Variants in PHACTR2 observed in about 807,000 individuals in gnomAD.
PHACTR2 encodes the protein chromosome 6 open reading frame 56.
In PHACTR2, 30 loss-of-function variants were observed where a neutral mutation model predicts 76.0. The observed-to-expected ratio is 0.39, with a 90% confidence interval of 0.30 to 0.54. The LOEUF is 0.54. Ranked by LOEUF, PHACTR2 falls within the 20% of genes least tolerant of loss-of-function variation. The pLI is 0.61. For missense variants in PHACTR2, 696 were observed against 781.1 expected (o/e 0.89, Z 1.30); for synonymous variants, 292 against 292.5 (o/e 1.00, Z 0.02).
In PHACTR2 at chr6:143,783,206, C is replaced by T; in HGVS notation, c.1646-13C>T. The T allele has an allele frequency of 6.3e-7, 1 of 1,580,700 alleles. No individual in the cohort carries two copies. Among genetic ancestry groups the T allele is most frequent in the South Asian group, 1.1e-5 (1 of 89,718 alleles). ...AGTAACTGTCATCACGACTTTCCTC[C>T]TTTAATAAACAGAAAAGAATGAAGA... On this transcript the variant is annotated splice_polypyrimidine_tract_variant and intron_variant, in intron 9 of 12. Coordinates refer to ENST00000440869, the MANE Select transcript of PHACTR2 (RefSeq NM_001100164.2). The surrounding 1 kb of genome is among the most constrained non-coding windows in gnomAD (Gnocchi z 5.2).
At chr6:143,790,571 A>T (rs547754516) in intron 11 of PHACTR2, among the ~76,000 whole-genome samples, 1 of 152,278 alleles carries the variant, frequency 6.6e-6, no homozygotes, top group South Asian at 2.1e-4. Flanking sequence ...ACTCCACCGA[A>T]GTGCCTTTTG....
chr6:143,628,965 A>AG (rs1373452813), intron 1 of PHACTR2, among the ~76,000 whole-genome samples: 1 of 99,548 alleles, frequency 1.0e-5, no homozygotes, highest in Non-Finnish European at 2.1e-5. Context: ...ATATATATAT[A>AG]TATATATATA....
chr6:143,692,853 C>T (rs897564117), intron 1 of PHACTR2, among the ~76,000 whole-genome samples: 1 of 152,210 alleles, frequency 6.6e-6, no homozygotes, highest in Non-Finnish European at 1.5e-5. Context: ...GCTGTCGTAA[C>T]ACCATACCAC....
rs1483733267 is a variant in PHACTR2 at position 143,722,101 on chromosome 6, C to A, written c.214+9918C>A. Among the ~76,000 whole-genome samples, 1 of 152,190 alleles carries A rather than the reference C, an allele frequency of 6.6e-6. No homozygotes were observed. Among genetic ancestry groups the A allele is most frequent in the Admixed American group, 6.5e-5 (1 of 15,278 alleles). On this transcript the variant is annotated intron_variant, in intron 2 of 12. Transcript: ENST00000440869. This position sits in a 1 kb window ranked among gnomAD's most constrained non-coding sequence, Gnocchi z 4.1. Reference sequence around the variant, plus strand: ...AAGCATCTTGTAAATGTCTAGGGAGCTGGAAGTTCCCATGAAAACTCTCTA... The same window carrying A: ...AAGCATCTTGTAAATGTCTAGGGAGATGGAAGTTCCCATGAAAACTCTCTA...
At position 143,653,315 on chromosome 6, in the gene PHACTR2, C is replaced by T. The variant is rs1419605723; in HGVS notation, c.13+44993C>T. ...TGTAAAATGAAGGCTGCTCTGACTC[C>T]TGCCTGCAATCTCCAGCTTATTGCC... On this transcript the variant is annotated intron_variant, in intron 1 of 11. Transcript: ENST00000305766. The surrounding 1 kb of genome is among the most constrained non-coding windows in gnomAD (Gnocchi z 4.9). Among the ~76,000 whole-genome samples, 1 of 152,150 alleles carries T rather than the reference C, an allele frequency of 6.6e-6. No homozygotes were observed. Among genetic ancestry groups the T allele is most frequent in the Non-Finnish European group, 1.5e-5 (1 of 68,032 alleles).
At position 143,775,240 on chromosome 6, in the gene PHACTR2, C is replaced by T. The variant is rs1448122660; in HGVS notation, c.1589+1025C>T. Among the ~76,000 whole-genome samples, 1 of 152,162 alleles carries T rather than the reference C, an allele frequency of 6.6e-6. No homozygotes were observed. The highest frequency in any genetic ancestry group is 1.5e-5 in the Non-Finnish European group (1 of 68,030). On this transcript the variant is annotated intron_variant, in intron 8 of 12. Transcript: ENST00000440869. This position sits in a 1 kb window ranked among gnomAD's most constrained non-coding sequence, Gnocchi z 4.4. Reference sequence around the variant, plus strand: ...CATCTATCTGAAGGAAAAGCACAGCCTACCAGGGAACCTCGGGGGAGGCTT... The same window carrying T: ...CATCTATCTGAAGGAAAAGCACAGCTTACCAGGGAACCTCGGGGGAGGCTT...
rs190606603 is a variant in PHACTR2, at chr6:143,780,648, G to A, written c.1646-2571G>A. ...CAAAATTCTCTGGGTAACATTGCTC[G>A]CTAGGCGGGTTTCCTGTGGTGCTTG... is the stretch of plus-strand genomic sequence containing the variant. On this transcript the variant is annotated intron_variant, in intron 9 of 12. Transcript: ENST00000440869. The surrounding 1 kb of genome is among the most constrained non-coding windows in gnomAD (Gnocchi z 4.4). Among the ~76,000 whole-genome samples, 78 of 152,130 alleles carry A rather than the reference G, an allele frequency of 5.1e-4. 1 individual carries two copies. The East Asian group carries it at 8.9e-3, about 17-fold the overall frequency.
In PHACTR2 at chr6:143,757,627, A is replaced by G. The variant is rs1312197747; in HGVS notation, c.455-2774A>G. ...AGGCTAGCGTCCTTATCAAGCCAGA[A>G]TGACGAGGCAGCCCTTTCTCAACCT... On this transcript the variant is annotated intron_variant, in intron 4 of 12. Transcript: ENST00000440869. This position sits in a 1 kb window ranked among gnomAD's most constrained non-coding sequence, Gnocchi z 4.2. Among the ~76,000 whole-genome samples, 2 of 152,220 alleles carry G rather than the reference A, an allele frequency of 1.3e-5. No homozygotes were observed. Among genetic ancestry groups the G allele is most frequent in the Non-Finnish European group, 2.9e-5 (2 of 68,044 alleles).
chr6:143,698,380 G>A lies in PHACTR2; in HGVS notation c.47-13636G>A, dbSNP rs1193208025. On this transcript the variant is annotated intron_variant, in intron 1 of 12. Transcript: ENST00000440869. The surrounding 1 kb of genome is among the most constrained non-coding windows in gnomAD (Gnocchi z 4.3). ...TATTATAAAATTATTTTTTTAAAAA[G>A]CAACTAGTGGAATTGTTTCTCTCAA... Among the ~76,000 whole-genome samples, 1 of 152,134 alleles carries A rather than the reference G, an allele frequency of 6.6e-6. No individual in the cohort carries two copies. The highest frequency in any genetic ancestry group is 1.5e-5 in the Non-Finnish European group (1 of 68,014).
rs1021859212 is a variant in PHACTR2 at position 143,806,752 on chromosome 6, G to A, written c.1846-305G>A. On this transcript the variant is annotated intron_variant, in intron 11 of 12. Transcript: ENST00000440869. This position sits in a 1 kb window ranked among gnomAD's most constrained non-coding sequence, Gnocchi z 5.8. Reference sequence around the variant, plus strand: ...GAGGATCACTTGAGCCTAGAAGTTCGAGATCAGCCTGGGCAACATCTTGAG... The same window carrying A: ...GAGGATCACTTGAGCCTAGAAGTTCAAGATCAGCCTGGGCAACATCTTGAG... Among the ~76,000 whole-genome samples, 4 of 152,216 alleles carry A rather than the reference G, an allele frequency of 2.6e-5. No homozygotes were observed. The highest frequency in any genetic ancestry group is 2.1e-4 in the South Asian group (1 of 4,822).
rs1775621581 is a variant in PHACTR2, at chr6:143,789,159, G to A, written c.1845+249G>A. On this transcript the variant is annotated intron_variant, in intron 11 of 12. Coordinates refer to ENST00000440869, the MANE Select transcript of PHACTR2 (RefSeq NM_001100164.2). The surrounding 1 kb of genome is among the most constrained non-coding windows in gnomAD (Gnocchi z 5.1). ...CCTGCTTTCATACCTGGATGAGGAG[G>A]GCTTTCTCACATCCAGGATTTATCC... The A allele has an allele frequency of 3.0e-6, 1 of 332,630 alleles. No homozygotes were observed. The highest frequency in any genetic ancestry group is 2.0e-5 in the African/African-American group (1 of 48,948). The allele number at this position is 332,630 out of a possible 1,614,324, so 20.6% of individuals were successfully genotyped here.
chr6:143,801,597 T>A lies in PHACTR2; in HGVS notation c.1846-5460T>A, dbSNP rs1582895078. ...ACTGGTTATTCTAGTTAGCCATTCA[T>A]CTAACCTTTTTTCAACGTTTTTAGC... On this transcript the variant is annotated intron_variant, in intron 11 of 12. Transcript: ENST00000440869. The surrounding 1 kb of genome is among the most constrained non-coding windows in gnomAD (Gnocchi z 4.6). Among the ~76,000 whole-genome samples, 1 of 152,190 alleles carries A rather than the reference T, an allele frequency of 6.6e-6. No individual in the cohort carries two copies. Among genetic ancestry groups the A allele is most frequent in the African/African-American group, 2.4e-5 (1 of 41,446 alleles).
chr6:143,588,004 C>G (rs1395915525), intron 1 of PHACTR2, among the ~76,000 whole-genome samples: 1 of 84,390 alleles, frequency 1.2e-5, no homozygotes, highest in Non-Finnish European at 3.0e-5. Context: ...AAGAGTGAAA[C>G]TCTGTCTCTA....
chr6:143,794,357 T>G lies in PHACTR2; in HGVS notation c.1845+5447T>G, dbSNP rs1775780238. 2.0e-5 allele frequency among the ~76,000 whole-genome samples: 3 copies of G among 151,184 alleles called. No individual in the cohort carries two copies. The highest frequency in any genetic ancestry group is 1.3e-4 in the Admixed American group (2 of 15,172). On this transcript the variant is annotated intron_variant, in intron 11 of 12. Coordinates refer to ENST00000440869, the MANE Select transcript of PHACTR2 (RefSeq NM_001100164.2). This position sits in a 1 kb window ranked among gnomAD's most constrained non-coding sequence, Gnocchi z 4.1. ...TTTATTATATATATTTAGATCAGAT[T>G]TAAAATATTGTATTAAGTTAATTCA...
Position 143,689,651 on chromosome 6 carries a change from A to T in PHACTR2, c.46+11442A>T. On this transcript the variant is annotated intron_variant, in intron 1 of 12. Transcript: ENST00000440869. The surrounding 1 kb of genome is among the most constrained non-coding windows in gnomAD (Gnocchi z 4.4). The stretch of plus-strand genomic sequence containing the variant: ...GCCTCTCCCCATTTCAGAATCATAC[A>T]TTTCCTATTATTTCCCATTTTCCCA... Among the ~76,000 whole-genome samples, 1 of 149,190 alleles carries T rather than the reference A, an allele frequency of 6.7e-6. No individual in the cohort carries two copies. The highest frequency in any genetic ancestry group is 2.5e-5 in the African/African-American group (1 of 40,470).
Position 143,695,407 on chromosome 6 carries a change from A to G in PHACTR2, c.47-16609A>G, listed in dbSNP as rs1777750054. Among the ~76,000 whole-genome samples, 1 of 152,244 alleles carries G rather than the reference A, an allele frequency of 6.6e-6. No individual in the cohort carries two copies. Among genetic ancestry groups the G allele is most frequent in the African/African-American group, 2.4e-5 (1 of 41,462 alleles). ...GGTGTTCTTCCAAGTTGAGAACAGA[A>G]CACTTGGATCCAAGACCCTATTTCA... On this transcript the variant is annotated intron_variant, in intron 1 of 12. Coordinates refer to ENST00000440869, the MANE Select transcript of PHACTR2 (RefSeq NM_001100164.2). The surrounding 1 kb of genome is among the most constrained non-coding windows in gnomAD (Gnocchi z 4.4).
In PHACTR2 at chr6:143,583,041, T is replaced by G. The variant is rs1372207609; in HGVS notation, c.217+45834T>G. Among the ~76,000 whole-genome samples, 3 of 152,244 alleles carry G rather than the reference T, an allele frequency of 2.0e-5. No individual in the cohort carries two copies. Among genetic ancestry groups the G allele is most frequent in the African/African-American group, 7.2e-5 (3 of 41,472 alleles). On this transcript the variant is annotated intron_variant, in intron 1 of 11. Transcript: ENST00000367584. The surrounding 1 kb of genome is among the most constrained non-coding windows in gnomAD (Gnocchi z 4.0). ...TCACATACTTTAATTAGAAACATCA[T>G]AATGAGTCTTTCTATTTTGGATATG...
In PHACTR2 at chr6:143,641,109, G is replaced by C. The variant is rs1052985629; in HGVS notation, c.13+32787G>C. The stretch of plus-strand genomic sequence containing the variant: ...TTCTTCATGACTCAGGGAGGCAGGT[G>C]TCACATGGCAGAAGGGCAAAGAGAG... On this transcript the variant is annotated intron_variant, in intron 1 of 11. Transcript: ENST00000305766. This position sits in a 1 kb window ranked among gnomAD's most constrained non-coding sequence, Gnocchi z 5.8. Among the ~76,000 whole-genome samples the C allele has an allele frequency of 7.2e-5, 11 of 152,190 alleles. No individual in the cohort carries two copies. The highest frequency in any genetic ancestry group is 6.5e-4 in the Admixed American group (10 of 15,288).
At chr6:143,606,282 T>C (rs527854403), upstream of PHACTR2, among the ~76,000 whole-genome samples, 4 of 152,238 alleles carry the variant, frequency 2.6e-5, no homozygotes, top group African/African-American at 9.6e-5. Flanking sequence ...TTTAAAACTT[T>C]CTGGATTTTA....
Sources: gnomAD v4.1 joint callset for allele counts (sites outside exome capture counted in the v4.1 genomes callset) on GRCh38, gnomAD v4.1.1 for gene constraint, Gnocchi (gnomAD v3.1) non-coding constraint, MANE v1.5 for transcripts, NCBI Gene and HGNC (gene_info 2026-07-23, HGNC 2026-07-21) for gene names.